Variants in PTPRK observed in about 807,000 individuals in gnomAD.
The protein encoded by PTPRK is protein tyrosine phosphatase receptor type K.
In PTPRK, 75 loss-of-function variants were observed where a neutral mutation model predicts 178.0. That is an observed-to-expected ratio of 0.42 (90% CI 0.35 to 0.51). The LOEUF (loss-of-function observed/expected upper bound fraction) is 0.51, where lower values mean the gene tolerates loss of function less well. PTPRK is among the 20% of genes least tolerant of loss of function. PTPRK has a pLI of 0.02. For synonymous variants in PTPRK, 637 were observed against 620.6 expected, an observed-to-expected ratio of 1.03 and a Z score of -0.39; for missense variants, 1,441 against 1,797.8, an observed-to-expected ratio of 0.80 and a Z score of 3.59.
intron 3 of PTPRK, among the ~76,000 whole-genome samples, chr6:128,294,358 G>A (rs1823908189): frequency 6.6e-6 from 1 of 151,972 alleles, no homozygotes; most frequent in South Asian, 2.1e-4. Flanking sequence ...CTCTTGGAAT[G>A]ATGCATAAAG....
In PTPRK at chr6:128,067,561, T is replaced by G. The variant is rs751529805; in HGVS notation, c.2115A>C (p.Lys705Asn). The part of the protein sequence containing the change: ...GFWNPPLAPR[K>N]GYNIYFQAMS... ...TCGCCTGGAAATAGATGTTGTATCCTTTGCGCGGAGCCAAAGGAGGGTTCC... is the reference window on the plus strand; with the variant it reads ...TCGCCTGGAAATAGATGTTGTATCCGTTGCGCGGAGCCAAAGGAGGGTTCC... Residue 705 changes from lysine to asparagine, a missense_variant, in exon 12 of 30, where the codon AAA becomes AAC. This residue lies in a region of PTPRK where 945 missense variants were observed against 1,080.6 expected (regional missense o/e 0.87). Coordinates refer to ENST00000368226, the MANE Select transcript of PTPRK (RefSeq NM_002844.4). 59 of 1,608,336 alleles carry G rather than the reference T, an allele frequency of 3.7e-5. No individual in the cohort carries two copies. Among genetic ancestry groups the G allele is most frequent in the Non-Finnish European group, 4.7e-5 (55 of 1,176,236 alleles).
intron 7 of PTPRK, among the ~76,000 whole-genome samples, chr6:128,128,752 A>G (rs1793764414): frequency 6.6e-6 from 1 of 152,250 alleles, no homozygotes; most frequent in Non-Finnish European, 1.5e-5. Flanking sequence ...TCTGTTGCAG[A>G]TGAATAAATC....
chr6:127,981,634 GTA>G (rs200194548), intron 24 of PTPRK, among the ~76,000 whole-genome samples: 1,963 of 152,228 alleles, frequency 0.013, 43 homozygotes, highest in Non-Finnish European at 0.015. Context: ...GGTATCATTT[GTA>G]GTAACATCTG....
chr6:128,265,437 C>T (rs1320558485), intron 3 of PTPRK, among the ~76,000 whole-genome samples: 2 of 152,064 alleles, frequency 1.3e-5, no homozygotes, highest in Admixed American at 1.3e-4. Context: ...GAAACTCTTC[C>T]AACTGCTTTA....
chr6:128,431,439 A>G (rs1185366335), intron 1 of PTPRK, among the ~76,000 whole-genome samples: 1 of 152,242 alleles, frequency 6.6e-6, no homozygotes, highest in African/African-American at 2.4e-5. Flanking sequence ...ATAAAACACC[A>G]GATTCCAATC....
At chr6:128,517,290 C>T (rs1022804150) in intron 1 of PTPRK, among the ~76,000 whole-genome samples, 5 of 152,116 alleles carry the variant, frequency 3.3e-5, no homozygotes, top group Admixed American at 3.3e-4. Context: ...GTGGAAAGGT[C>T]AAGTTGGGTA....
chr6:128,071,118 T>TAA (rs11410139), intron 11 of PTPRK, among the ~76,000 whole-genome samples: 14 of 149,044 alleles, frequency 9.4e-5, no homozygotes, highest in South Asian at 2.1e-4. Flanking sequence ...ATAGAGAGGT[T>TAA]AAAAAAAAAA....
intron 20 of PTPRK, 140 bp from the exon 21 acceptor site, chr6:127,991,025 A>C: frequency 3.2e-6 from 2 of 626,002 alleles, no homozygotes; most frequent in East Asian, 5.5e-5. Flanking sequence ...TCTATTATAC[A>C]ATAAACAGAG....
At position 128,089,802 on chromosome 6, in the gene PTPRK, C is replaced by T. The variant is rs1003667169; in HGVS notation, c.1353G>A (p.Gln451=). 1 of 1,613,918 alleles carries T rather than the reference C, an allele frequency of 6.2e-7. No homozygotes were observed. Among genetic ancestry groups the T allele is most frequent in the Admixed American group, 1.7e-5 (1 of 60,000 alleles). ...DCLDMDPKAP[Q]HVVNHLPPYT... ...AAGGTGGCAGATGGTTCACAACATGCTGAGGGGCTTTGGGGTCCATGTCCA... is the reference window on the plus strand; with the variant it reads ...AAGGTGGCAGATGGTTCACAACATGTTGAGGGGCTTTGGGGTCCATGTCCA... The change falls in exon 8 of 30, where the codon CAG becomes CAA. Residue 451 remains glutamine, a synonymous_variant. Transcript: ENST00000368226.
At chr6:128,109,759 T>G (rs995929200) in intron 7 of PTPRK, among the ~76,000 whole-genome samples, 1 of 152,164 alleles carries the variant, frequency 6.6e-6, no homozygotes, top group Non-Finnish European at 1.5e-5. Context: ...ACCTCTGTAG[T>G]AAAGCAAACA....
At chr6:127,998,627 C>A in intron 16 of PTPRK, 93 bp downstream of exon 16, 1 of 1,049,558 alleles carries the variant, frequency 9.5e-7, no homozygotes, top group Non-Finnish European at 1.4e-6. Context: ...ACAATCCCCT[C>A]CTTGTTGTGT....
chr6:128,333,235 TC>T (rs1479125313), intron 2 of PTPRK, among the ~76,000 whole-genome samples: 1 of 152,126 alleles, frequency 6.6e-6, no homozygotes, highest in African/African-American at 2.4e-5. Flanking sequence ...TGCTAACAAT[TC>T]CCACCTGTTG....
chr6:127,978,476 G>T (rs1774873289), intron 25 of PTPRK, among the ~76,000 whole-genome samples: 1 of 152,094 alleles, frequency 6.6e-6, no homozygotes. Context: ...GGCCATAATT[G>T]CAGGGATCCT....
chr6:128,502,643 G>A (rs187867262), intron 1 of PTPRK, among the ~76,000 whole-genome samples: 10 of 152,096 alleles, frequency 6.6e-5, no homozygotes, highest in South Asian at 2.1e-4. Context: ...GGAATTTTGT[G>A]GGCCAGTTAT....
intron 7 of PTPRK, among the ~76,000 whole-genome samples, chr6:128,145,048 C>G (rs1583207779): frequency 6.6e-6 from 1 of 152,174 alleles, no homozygotes; most frequent in East Asian, 1.9e-4. Context: ...TTTCCAACAG[C>G]TACACAATAA....
intron 7 of PTPRK, among the ~76,000 whole-genome samples, chr6:128,111,581 T>TCC (rs1362556506): frequency 1.3e-5 from 2 of 151,532 alleles, no homozygotes; most frequent in Admixed American, 6.6e-5. Context: ...AAATGTAGTT[T>TCC]TATGCTTACT....
chr6:128,054,192 GT>G, intron 13 of PTPRK, among the ~76,000 whole-genome samples: 1 of 152,232 alleles, frequency 6.6e-6, no homozygotes, highest in East Asian at 1.9e-4. Flanking sequence ...TGTAAAGCAT[GT>G]TTTCCAGTCC....
chr6:128,388,216 T>A (rs188185311), intron 2 of PTPRK, among the ~76,000 whole-genome samples: 1 of 152,212 alleles, frequency 6.6e-6, no homozygotes, highest in Non-Finnish European at 1.5e-5. Context: ...TTGATACTTA[T>A]AAGACATAAG....
At chr6:128,385,246 G>T (rs571495488) in intron 2 of PTPRK, among the ~76,000 whole-genome samples, 1 of 151,966 alleles carries the variant, frequency 6.6e-6, no homozygotes, top group South Asian at 2.1e-4. Flanking sequence ...ATTTCAAGAG[G>T]TCTTTTCTTC....
Sources: gnomAD v4.1 joint callset for allele counts (sites outside exome capture counted in the v4.1 genomes callset) on GRCh38, gnomAD v4.1.1 for gene constraint, gnomAD v4.1.1 regional missense constraint, MANE v1.5 for transcripts, NCBI Gene and HGNC (gene_info 2026-07-23, HGNC 2026-07-21) for gene names.